The following PIKFYVE variants were observed in gnomAD, a reference collection of about 807,000 sequenced individuals.
PIKFYVE encodes the protein phosphoinositide kinase, FYVE-type zinc finger containing.
In PIKFYVE, 122 loss-of-function variants were observed where a neutral mutation model predicts 257.9. The observed-to-expected ratio is 0.47, with a 90% CI of 0.41 to 0.55. The LOEUF (loss-of-function observed/expected upper bound fraction) is 0.55. Ranked by LOEUF, PIKFYVE falls within the 20% of genes least tolerant of loss-of-function variation. The pLI is 0.00. For missense variants in PIKFYVE, 2,160 were observed against 2,536.6 expected, an observed-to-expected ratio of 0.85 and a Z score of 3.19; for synonymous variants, 892 against 868.9, an observed-to-expected ratio of 1.03 and a Z score of -0.47.
chr2:208,306,398 CAG>C (rs890016791), intron 12 of PIKFYVE, among the ~76,000 whole-genome samples: 6 of 152,306 alleles, frequency 3.9e-5, no homozygotes, highest in East Asian at 1.9e-4. Context: ...AGATGTGGGT[CAG>C]GGGCACACAG....
At position 208,340,138 on chromosome 2, in the gene PIKFYVE, A is replaced by G; in HGVS notation, c.4931+7A>G. 2 of 1,613,924 alleles carry G rather than the reference A, an allele frequency of 1.2e-6. No homozygotes were observed. The highest frequency in any genetic ancestry group is 1.7e-6 in the Non-Finnish European group (2 of 1,179,848). On this transcript the variant is annotated splice_region_variant and intron_variant, in intron 31 of 41. Transcript: ENST00000264380. ...ATCCTATTCCATTTCCTTTGTAAGTATTATTAAAACCAGTGGCTCTTAGCA... is the reference window on the plus strand; with the variant it reads ...ATCCTATTCCATTTCCTTTGTAAGTGTTATTAAAACCAGTGGCTCTTAGCA...
intron 35 of PIKFYVE, among the ~76,000 whole-genome samples, chr2:208,349,782 A>G (rs1422178110): frequency 6.6e-6 from 1 of 152,124 alleles, no homozygotes; most frequent in Non-Finnish European, 1.5e-5. Flanking sequence ...AAGAAAAAGT[A>G]TTCAACCTAA....
At position 208,325,347 on chromosome 2, in the gene PIKFYVE, G is replaced by A; in HGVS notation, c.2536G>A (p.Asp846Asn). ...TACAATCAAGCTAAGAGGAGGCTCT[G>A]ATTATGAGCTGGCTCGAGTTAAGGA... ...GCTIKLRGGS[D>N]YELARVKEIL... The change falls in exon 20 of 42, where the codon GAT becomes AAT. Residue 846 changes from aspartate to asparagine, a missense_variant. This residue lies in a region of PIKFYVE where 522 missense variants were observed against 514.6 expected (regional missense o/e 1.01). Coordinates refer to ENST00000264380, the MANE Select transcript of PIKFYVE (RefSeq NM_015040.4). 6.2e-7 allele frequency: 1 copy of A among 1,614,112 alleles called. No individual in the cohort carries two copies. Among genetic ancestry groups the A allele is most frequent in the Non-Finnish European group, 8.5e-7 (1 of 1,179,998 alleles).
intron 2 of PIKFYVE, 33 bp from the exon 3 acceptor site, chr2:208,273,551 C>G (rs992356522): frequency 1.9e-6 from 3 of 1,613,578 alleles, no homozygotes; most frequent in Non-Finnish European, 1.7e-6. Flanking sequence ...AACTCTCAGT[C>G]TTTAAATAAT....
At chr2:208,333,921 G>C (rs191726212) in intron 24 of PIKFYVE, among the ~76,000 whole-genome samples, 47 of 152,312 alleles carry the variant, frequency 3.1e-4, no homozygotes, top group Middle Eastern at 6.8e-3. Flanking sequence ...GGGATTAGAA[G>C]TGTGAGCCAT....
intron 17 of PIKFYVE, among the ~76,000 whole-genome samples, chr2:208,320,632 G>A (rs1205466847): frequency 6.6e-6 from 1 of 152,148 alleles, no homozygotes; most frequent in Non-Finnish European, 1.5e-5. Flanking sequence ...GGAATTTCTC[G>A]AACTTACCAG....
At chr2:208,312,332 C>CT (rs1355305347) in intron 13 of PIKFYVE, 37 bp downstream of exon 13, 3 of 1,510,336 alleles carry the variant, frequency 2.0e-6, no homozygotes, top group Middle Eastern at 1.7e-4. Context: ...AATGGTGTCT[C>CT]TTTTTTTCAT....
At position 208,301,071 on chromosome 2, in the gene PIKFYVE, C is replaced by T. The variant is rs553776687; in HGVS notation, c.1185C>T (p.Ile395=). The T allele has an allele frequency of 6.4e-5, 103 of 1,614,124 alleles. No homozygotes were observed. In the South Asian group the frequency reaches 1.1e-3, roughly 17 times the overall value. Residue 395 remains isoleucine, a synonymous_variant, in exon 9 of 42, where the codon ATC becomes ATT. Transcript: ENST00000264380. ...IVGKELVNWL[I]RNGHIATRAQ... ...GAAAGGAATTAGTCAACTGGCTAAT[C>T]CGAAATGGGCATATTGCCACAAGGT...
Position 208,355,407 on chromosome 2 carries a change from G to A in PIKFYVE, c.*102G>A, listed in dbSNP as rs1700107974. ...TTATTTCTTCATCGTGTTCACCACT[G>A]TATGCCAAGGCTTTTCAGTTCTGTG... On this transcript the variant is annotated 3_prime_UTR_variant, in exon 42 of 42. Transcript: ENST00000264380. The A allele has an allele frequency of 5.7e-6, 5 of 882,002 alleles. No homozygotes were observed. Among genetic ancestry groups the A allele is most frequent in the South Asian group, 3.0e-5 (2 of 67,000 alleles). The allele number at this position is 882,002 out of a possible 1,614,324, so 54.6% of individuals were successfully genotyped here.
chr2:208,314,154 G>T, intron 13 of PIKFYVE, 140 bp from the exon 14 acceptor site: 1 of 845,638 alleles, frequency 1.2e-6, no homozygotes. Context: ...TTTATTACAT[G>T]TTCTTGCCTT....
chr2:208,293,675 G>GTT (rs35035028), intron 7 of PIKFYVE, among the ~76,000 whole-genome samples: 2 of 139,040 alleles, frequency 1.4e-5, no homozygotes, highest in Admixed American at 7.2e-5. Context: ...TACAGGTAAG[G>GTT]TTTTTTTTTT....
intron 24 of PIKFYVE, 128 bp downstream of exon 24, chr2:208,333,621 A>G: frequency 1.0e-6 from 1 of 978,590 alleles, no homozygotes; most frequent in Non-Finnish European, 1.6e-6. Context: ...TTATAAATGC[A>G]GAGGACCAGA....
rs67838836 is a variant in PIKFYVE, at chr2:208,317,775, TA to T, written c.2008-84del. The stretch of plus-strand genomic sequence containing the variant: ...GTTCTTATTTGATTACATAATAGTT[TA>T]AAAAAAATGGAAAGAAATAATAGCG... On this transcript the variant is annotated intron_variant, in intron 15 of 41. Coordinates refer to ENST00000264380, the MANE Select transcript of PIKFYVE (RefSeq NM_015040.4). 3,544 of 1,239,186 alleles carry T rather than the reference TA, an allele frequency of 2.9e-3. 8 individuals are homozygous for T. The highest frequency in any genetic ancestry group is 3.7e-3 in the Non-Finnish European group (3,139 of 846,174). 76.8% of individuals were successfully genotyped at this position (1,239,186 alleles called of 1,614,324 possible).
chr2:208,326,563 G>A (rs1349232879), intron 20 of PIKFYVE, 134 bp downstream of exon 20: 2 of 1,016,338 alleles, frequency 2.0e-6, no homozygotes, highest in Non-Finnish European at 3.0e-6. Context: ...TGCTATTTTT[G>A]TTTTTGTCTT....
rs1446124040 is a variant in PIKFYVE at position 208,351,337 on chromosome 2, AT to A, written c.5612-12del. The stretch of plus-strand genomic sequence containing the variant: ...TATTGTGATTGAGTAAACACATAAA[AT>A]TTCTGCCTTTTAGATGATAGATTTA... On this transcript the variant is annotated splice_polypyrimidine_tract_variant and intron_variant, in intron 37 of 41. Coordinates refer to ENST00000264380, the MANE Select transcript of PIKFYVE (RefSeq NM_015040.4). The A allele has an allele frequency of 2.6e-6, 4 of 1,565,404 alleles. No individual in the cohort carries two copies. Among genetic ancestry groups the A allele is most frequent in the Non-Finnish European group, 2.6e-6 (3 of 1,135,938 alleles).
At chr2:208,314,573 C>A in intron 14 of PIKFYVE, 150 bp downstream of exon 14, 1 of 1,004,598 alleles carries the variant, frequency 1.0e-6, no homozygotes, top group Non-Finnish European at 1.4e-6. Context: ...GAAATACAGT[C>A]TATTTTGACT....
At chr2:208,327,915 A>C (rs1196135697) in intron 20 of PIKFYVE, among the ~76,000 whole-genome samples, 2 of 152,204 alleles carry the variant, frequency 1.3e-5, no homozygotes, top group Non-Finnish European at 2.9e-5. Flanking sequence ...AATTTAGTGC[A>C]GTTGTGTAAA....
At position 208,346,142 on chromosome 2, in the gene PIKFYVE, A is replaced by G. The variant is rs778870810; in HGVS notation, c.5204A>G (p.Gln1735Arg). The G allele has an allele frequency of 3.7e-6, 6 of 1,605,176 alleles. No homozygotes were observed. Among genetic ancestry groups the G allele is most frequent in the Admixed American group, 3.3e-5 (2 of 59,984 alleles). Residue 1735 changes from glutamine to arginine, a missense_variant, in exon 34 of 42, where the codon CAA becomes CGA. Transcript: ENST00000264380. ...QTNRTTETEP[Q>R]PTKKASGMLS... is the part of the protein sequence containing the mutation. Reference sequence around the variant, plus strand: ...AATCGTACAACAGAAACAGAACCACAACCAAGTAAGATTACACATGGAGGA... The same window carrying G: ...AATCGTACAACAGAAACAGAACCACGACCAAGTAAGATTACACATGGAGGA...
At chr2:208,346,022 T>C in intron 33 of PIKFYVE, 28 bp from the exon 34 acceptor site, 1 of 1,557,220 alleles carries the variant, frequency 6.4e-7, no homozygotes, top group East Asian at 2.2e-5. Context: ...TAAAACTAAA[T>C]TTTTCTTTTT....
Sources: allele counts gnomAD v4.1 joint callset (sites outside exome capture counted in the v4.1 genomes callset), GRCh38; gene constraint gnomAD v4.1.1; regional missense constraint gnomAD v4.1.1; transcripts MANE v1.5; gene names NCBI Gene and HGNC (gene_info 2026-07-23, HGNC 2026-07-21).